SNX29: variants seen among roughly 807,000 people sequenced by gnomAD.
The protein encoded by SNX29 is sorting nexin 29, also known as sorting nexin-29.
A neutral mutation model predicts 102.1 loss-of-function variants in SNX29; 78 were observed. That is an observed-to-expected ratio of 0.76 (90% confidence interval 0.64 to 0.92). The LOEUF (loss-of-function observed/expected upper bound fraction) is 0.92. Among genes scored for constraint, SNX29 ranks in the 40% least tolerant of loss-of-function variants. The pLI, the probability that SNX29 is intolerant of heterozygous loss-of-function variation, is 0.00. For synonymous variants in SNX29, 580 were observed against 414.5 expected (o/e 1.40, Z -4.85); for missense variants, 1,280 against 1,061.7 (o/e 1.21, Z -2.86).
At chr16:12,181,573 G>T (rs961029049) in intron 13 of SNX29, among the ~76,000 whole-genome samples, 2 of 152,120 alleles carry the variant, frequency 1.3e-5, no homozygotes, top group Non-Finnish European at 2.9e-5. Context: ...TTTCCCTTTA[G>T]CTTAGTGATA....
chr16:12,046,369 T>A lies in SNX29; in HGVS notation c.429-15T>A, dbSNP rs1470608502. ...CACTGCTAAGAACGATTTCCTTTTCTCTTTCAATCTGCAGCACTTTTTATG... is the reference window on the plus strand; with the variant it reads ...CACTGCTAAGAACGATTTCCTTTTCACTTTCAATCTGCAGCACTTTTTATG... On this transcript the variant is annotated splice_polypyrimidine_tract_variant and intron_variant, in intron 5 of 20. Coordinates refer to ENST00000566228, the MANE Select transcript of SNX29 (RefSeq NM_032167.5). 4 of 1,613,110 alleles carry A rather than the reference T, an allele frequency of 2.5e-6. No individual in the cohort carries two copies. The African/African-American group carries it at 4.0e-5, about 16-fold the overall frequency.
intron 14 of SNX29, among the ~76,000 whole-genome samples, chr16:12,246,000 G>A (rs2078249843): frequency 6.6e-6 from 1 of 152,214 alleles, no homozygotes; most frequent in Admixed American, 6.5e-5. Context: ...TTTGAACAGA[G>A]TGGATAAGTC....
chr16:12,016,525 C>T (rs1017668673), intron 3 of SNX29, among the ~76,000 whole-genome samples: 5 of 152,158 alleles, frequency 3.3e-5, no homozygotes, highest in African/African-American at 1.2e-4. Context: ...TACCATTTTG[C>T]GTTCCCACCA....
rs920520746 is a variant in SNX29, at chr16:12,551,327, A to G, written c.2319-17179A>G. On this transcript the variant is annotated intron_variant, in intron 20 of 20. Coordinates refer to ENST00000566228, the MANE Select transcript of SNX29 (RefSeq NM_032167.5). ...ACCAAAAAGCCACTTGTAACCTCAGAGATATGTGGAATCATTCTTTTGGGG... is the reference window on the plus strand; with the variant it reads ...ACCAAAAAGCCACTTGTAACCTCAGGGATATGTGGAATCATTCTTTTGGGG... Among the ~76,000 whole-genome samples, 8 of 152,188 alleles carry G rather than the reference A, an allele frequency of 5.3e-5. No individual in the cohort carries two copies. The South Asian group carries it at 1.4e-3, about 28-fold the overall frequency.
At chr16:12,543,986 A>G (rs542304361) in intron 20 of SNX29, among the ~76,000 whole-genome samples, 322 of 152,334 alleles carry the variant, frequency 2.1e-3, no homozygotes, top group African/African-American at 7.6e-3. Flanking sequence ...AGCCAAGGTC[A>G]CACCATGGGT....
At chr16:12,392,211 T>C (rs1184718606) in intron 16 of SNX29, among the ~76,000 whole-genome samples, 1 of 152,250 alleles carries the variant, frequency 6.6e-6, no homozygotes, top group Non-Finnish European at 1.5e-5. Flanking sequence ...GTTCTTTTCA[T>C]AGCTGCGCAG....
intron 19 of SNX29, among the ~76,000 whole-genome samples, chr16:12,516,605 C>G (rs1257070491): frequency 6.6e-6 from 1 of 152,064 alleles, no homozygotes; most frequent in East Asian, 1.9e-4. Flanking sequence ...CCTATATCAG[C>G]TGACTCCAAA....
At chr16:12,108,170 C>T (rs1489998414) in intron 11 of SNX29, among the ~76,000 whole-genome samples, 8 of 152,202 alleles carry the variant, frequency 5.3e-5, no homozygotes, top group Non-Finnish European at 1.0e-4. Flanking sequence ...AGGAGAAGCC[C>T]TCCCAGTGGT....
intron 18 of SNX29, among the ~76,000 whole-genome samples, chr16:12,410,240 T>C (rs9929233): frequency 0.76 from 115,016 of 152,132 alleles, 44,260 homozygotes; most frequent in African/African-American, 0.91. Context: ...GTGATCCACC[T>C]GCCTCGACCT....
chr16:12,543,333 G>A (rs879907787), intron 20 of SNX29, among the ~76,000 whole-genome samples: 3 of 152,178 alleles, frequency 2.0e-5, no homozygotes, highest in Admixed American at 6.5e-5. Context: ...CCAAATCTGG[G>A]GCAGAGGAGC....
intron 14 of SNX29, among the ~76,000 whole-genome samples, chr16:12,265,889 C>G (rs1193738457): frequency 6.6e-6 from 1 of 151,528 alleles, no homozygotes; most frequent in African/African-American, 2.4e-5. Context: ...CACCCTGTCT[C>G]AAAAAAAGAA....
chr16:12,534,843 C>A lies in SNX29; in HGVS notation c.2318+10002C>A, dbSNP rs189094075. Among the ~76,000 whole-genome samples the A allele has an allele frequency of 2.0e-5, 3 of 152,154 alleles. No homozygotes were observed. The East Asian group carries it at 5.8e-4, about 29-fold the overall frequency. ...AGGCACAGCTGGGAGTGAATGCAGA[C>A]ATTTTTGATTGTCCCAACCATGGGG... On this transcript the variant is annotated intron_variant, in intron 20 of 20. Coordinates refer to ENST00000566228, the MANE Select transcript of SNX29 (RefSeq NM_032167.5).
rs1396926419 is a variant in SNX29 at position 12,571,097 on chromosome 16, T to TC, written c.*2471dup. 2 of 232,446 alleles carry TC rather than the reference T, an allele frequency of 8.6e-6. No homozygotes were observed. The highest frequency in any genetic ancestry group is 2.2e-5 in the African/African-American group (1 of 45,290). 14.4% of individuals were successfully genotyped at this position (232,446 alleles called of 1,614,324 possible). ...ACATGACAGCAACTCCCCGAAGCCT[T>TC]CCCTTTGGAATCCCATAGAATGTTC... On this transcript the variant is annotated 3_prime_UTR_variant, in exon 21 of 21. Coordinates refer to ENST00000566228, the MANE Select transcript of SNX29 (RefSeq NM_032167.5).
chr16:12,464,692 G>A (rs1416945675), intron 18 of SNX29, among the ~76,000 whole-genome samples: 1 of 152,018 alleles, frequency 6.6e-6, no homozygotes, highest in Non-Finnish European at 1.5e-5. Context: ...TGGCCTCAAG[G>A]GATCCTCCCA....
chr16:12,477,543 A>G (rs1348660432), intron 18 of SNX29, among the ~76,000 whole-genome samples, 176 bp from the exon 19 acceptor site: 1 of 152,200 alleles, frequency 6.6e-6, no homozygotes, highest in Non-Finnish European at 1.5e-5. Flanking sequence ...GCCTGTACCC[A>G]TCTGTTCAGC....
intron 10 of SNX29, among the ~76,000 whole-genome samples, chr16:12,075,066 C>G (rs974275008): frequency 3.3e-5 from 5 of 152,160 alleles, no homozygotes; most frequent in African/African-American, 1.2e-4. Context: ...ATACATTCGT[C>G]TAAATTTTTT....
At chr16:12,048,745 T>G in intron 7 of SNX29, 125 bp downstream of exon 7, 4 of 1,514,716 alleles carry the variant, frequency 2.6e-6, no homozygotes, top group Non-Finnish European at 3.6e-6. Flanking sequence ...GCGTTTTCCA[T>G]TTGTGTTTCT....
chr16:12,120,133 G>C (rs2053911626), intron 11 of SNX29, among the ~76,000 whole-genome samples: 1 of 152,206 alleles, frequency 6.6e-6, no homozygotes, highest in African/African-American at 2.4e-5. Context: ...GCTCGATATA[G>C]TTTATCCTTT....
At chr16:12,557,648 C>T (rs143800025) in intron 20 of SNX29, 2 of 152,264 alleles carry the variant, frequency 1.3e-5, no homozygotes, top group East Asian at 3.9e-4. Flanking sequence ...AGGTGTGAGC[C>T]ACTACACCCA....
Sources: allele counts gnomAD v4.1 joint callset (sites outside exome capture counted in the v4.1 genomes callset), GRCh38; gene constraint gnomAD v4.1.1; transcripts MANE v1.5; gene names NCBI Gene and HGNC (gene_info 2026-07-23, HGNC 2026-07-21).